Variants in SCGB2B2 observed in about 807,000 individuals in gnomAD.
SCGB2B2 encodes the protein secretoglobin family 2B member 2, also known as secretoglobin-like protein.
In SCGB2B2, 11 loss-of-function variants were observed where a neutral mutation model predicts 7.6. The ratio of observed to expected loss-of-function variants is 1.45; its 90% CI spans 0.91 to 2.40. SCGB2B2 has a LOEUF of 2.40. Ranked by LOEUF, SCGB2B2 falls within the 30% of genes most tolerant of loss-of-function variation. The pLI is 0.00. For missense variants in SCGB2B2, 104 were observed against 115.4 expected (o/e 0.90, Z 0.45); for synonymous variants, 50 against 48.6 (o/e 1.03, Z -0.12).
At chr19:34,662,264 T>C (rs1261423914) in intron 1 of SCGB2B2, among the ~76,000 whole-genome samples, 1 of 152,086 alleles carries the variant, frequency 6.6e-6, no homozygotes, top group Non-Finnish European at 1.5e-5. Flanking sequence ...CACAACCCTG[T>C]CCTAAACTGG....
intron 1 of SCGB2B2, chr19:34,645,858 C>A (rs2066995800): frequency 8.5e-6 from 2 of 235,118 alleles, no homozygotes; most frequent in South Asian, 1.0e-4. Flanking sequence ...ACCTCTGCTG[C>A]TTTCTTATCT....
In SCGB2B2 at chr19:34,593,191, G is replaced by A. The variant is rs888468247; in HGVS notation, c.*364C>T. On this transcript the variant is annotated 3_prime_UTR_variant, in exon 4 of 4. Transcript: ENST00000601241. ...ACAAAAATTAGCCAAGCGTGGTGGT[G>A]TGTGGCTGTATTCTGCTACTCAGGA... The A allele has an allele frequency of 1.5e-5, 3 of 201,172 alleles. No homozygotes were observed. Among genetic ancestry groups the A allele is most frequent in the African/African-American group, 4.6e-5 (2 of 43,012 alleles). The allele number at this position is 201,172 out of a possible 1,614,324, so 12.5% of individuals were successfully genotyped here.
At chr19:34,625,044 A>G (rs2066332234) in intron 1 of SCGB2B2, among the ~76,000 whole-genome samples, 1 of 152,184 alleles carries the variant, frequency 6.6e-6, no homozygotes, top group African/African-American at 2.4e-5. Flanking sequence ...CATTCTTGTT[A>G]TCTGAGGTAT....
downstream of SCGB2B2, among the ~76,000 whole-genome samples, chr19:34,586,462 C>T (rs1355710949): frequency 6.6e-6 from 1 of 152,100 alleles, no homozygotes; most frequent in Non-Finnish European, 1.5e-5. Flanking sequence ...TCTAGGCAAC[C>T]GCTGATCAGC....
At chr19:34,600,662 G>T (rs796646700) in intron 1 of SCGB2B2, among the ~76,000 whole-genome samples, 3 of 152,020 alleles carry the variant, frequency 2.0e-5, no homozygotes, top group Admixed American at 1.3e-4. Flanking sequence ...GTGTTTATTC[G>T]TCATTTAGTG....
At chr19:34,662,955 CAAACAAAA>C (rs2146148714) in intron 1 of SCGB2B2, among the ~76,000 whole-genome samples, 3 of 146,384 alleles carry the variant, frequency 2.0e-5, no homozygotes, top group African/African-American at 7.9e-5. Context: ...AACAAACAAA[CAAACAAAA>C]AAAAACAATA....
chr19:34,622,337 T>G (rs1412013021), intron 1 of SCGB2B2, among the ~76,000 whole-genome samples: 2 of 152,232 alleles, frequency 1.3e-5, no homozygotes, highest in Non-Finnish European at 2.9e-5. Context: ...AAAGCCTTTT[T>G]GAGCCCCAGG....
chr19:34,594,164 G>A lies in SCGB2B2; in HGVS notation c.246+11C>T, dbSNP rs1463504558. ...CATGTAGTGTGTGCAGGTCCCCCCG[G>A]GCACACTCACAATAACAACTGAATG... On this transcript the variant is annotated intron_variant, in intron 3 of 3. Coordinates refer to ENST00000601241, the MANE Select transcript of SCGB2B2 (RefSeq NM_001025591.4). The A allele has an allele frequency of 3.7e-6, 6 of 1,610,298 alleles. No homozygotes were observed. The highest frequency in any genetic ancestry group is 3.4e-6 in the Non-Finnish European group (4 of 1,177,022).
chr19:34,673,562 G>A (rs890788863), intron 1 of SCGB2B2, among the ~76,000 whole-genome samples: 6 of 152,164 alleles, frequency 3.9e-5, no homozygotes, highest in Non-Finnish European at 8.8e-5. Context: ...CTGGCTTTAA[G>A]TTTTTCTTAT....
At chr19:34,600,911 G>A (rs938922739) in intron 1 of SCGB2B2, among the ~76,000 whole-genome samples, 2 of 94,058 alleles carry the variant, frequency 2.1e-5, no homozygotes, top group Admixed American at 8.8e-5. Context: ...ATTTCTGCTC[G>A]GGGTGTGGTG....
chr19:34,655,078 G>C (rs928875456), intron 1 of SCGB2B2, among the ~76,000 whole-genome samples: 2 of 151,294 alleles, frequency 1.3e-5, no homozygotes, highest in African/African-American at 4.9e-5. Flanking sequence ...TAGGACAAGA[G>C]TTTAATGAAT....
chr19:34,589,256 A>G (rs190251952), downstream of SCGB2B2, among the ~76,000 whole-genome samples: 143 of 152,176 alleles, frequency 9.4e-4, no homozygotes, highest in African/African-American at 3.3e-3. Flanking sequence ...GGAGAGGTAA[A>G]TGGGACTGAG....
At chr19:34,645,771 T>C in intron 1 of SCGB2B2, 1 of 312,428 alleles carries the variant, frequency 3.2e-6, no homozygotes, top group South Asian at 3.0e-5. Flanking sequence ...GCCCTGCTCC[T>C]TCACCGTCAT....
At chr19:34,672,648 C>T (rs1267825451) in intron 1 of SCGB2B2, among the ~76,000 whole-genome samples, 2 of 152,180 alleles carry the variant, frequency 1.3e-5, no homozygotes, top group African/African-American at 4.8e-5. Context: ...GTCCCAAGGG[C>T]CGATGTGTCT....
At chr19:34,644,975 TG>T (rs2066955728) in intron 1 of SCGB2B2, among the ~76,000 whole-genome samples, 1 of 152,242 alleles carries the variant, frequency 6.6e-6, no homozygotes, top group Admixed American at 6.5e-5. Context: ...GTTTCACAGA[TG>T]AGCAAGCTGA....
intron 1 of SCGB2B2, among the ~76,000 whole-genome samples, chr19:34,612,456 C>G (rs2065959563): frequency 6.6e-6 from 1 of 152,162 alleles, no homozygotes; most frequent in South Asian, 2.1e-4. Flanking sequence ...AATGGAATAT[C>G]TATCACCTGA....
intron 1 of SCGB2B2, among the ~76,000 whole-genome samples, chr19:34,615,164 G>C (rs971602605): frequency 3.9e-5 from 6 of 152,156 alleles, no homozygotes; most frequent in African/African-American, 7.2e-5. Context: ...CTAAATGTGA[G>C]ATGGCACAGT....
chr19:34,597,253 GC>G lies in SCGB2B2; in HGVS notation c.-2031-660del, dbSNP rs539575020. On this transcript the variant is annotated intron_variant, in intron 1 of 3. Coordinates refer to ENST00000601241, the MANE Select transcript of SCGB2B2 (RefSeq NM_001025591.4). ...CCACCACACTGCAGGTTACAGGACT[GC>G]CCCACAAGAGCCACCATGCCCACCT... Among the ~76,000 whole-genome samples the G allele has an allele frequency of 2.2e-3, 328 of 152,192 alleles. 3 individuals are homozygous for G. Among genetic ancestry groups the G allele is most frequent in the African/African-American group, 7.7e-3 (320 of 41,538 alleles).
intron 1 of SCGB2B2, among the ~76,000 whole-genome samples, chr19:34,624,105 AAATGTTAGGT>A (rs2066307241): frequency 6.6e-6 from 1 of 152,210 alleles, no homozygotes; most frequent in African/African-American, 2.4e-5. Context: ...GCAATAACTG[AAATGTTAGGT>A]AAAAACTGTG....
Sources: allele counts gnomAD v4.1 joint callset (sites outside exome capture counted in the v4.1 genomes callset), GRCh38; gene constraint gnomAD v4.1.1; transcripts MANE v1.5; gene names NCBI Gene and HGNC (gene_info 2026-07-23, HGNC 2026-07-21).